The following MROH2B variants were observed in gnomAD, a reference collection of about 807,000 sequenced individuals.
MROH2B encodes the protein maestro heat like repeat family member 2B.
In MROH2B, 177 loss-of-function variants were observed where a neutral mutation model predicts 208.6. The ratio of observed to expected loss-of-function variants is 0.85; its 90% CI spans 0.75 to 0.96. MROH2B has a LOEUF of 0.96. MROH2B is among the 40% of genes least tolerant of loss of function. The pLI is 0.00. For missense variants in MROH2B, 2,002 were observed against 1,878.7 expected (o/e 1.07, Z -1.21); for synonymous variants, 728 against 659.0 (o/e 1.10, Z -1.60).
At chr5:41,010,717 A>G (rs903900152) in intron 30 of MROH2B, among the ~76,000 whole-genome samples, 4 of 152,324 alleles carry the variant, frequency 2.6e-5, no homozygotes, top group Non-Finnish European at 5.9e-5. Flanking sequence ...ACATTTGTCA[A>G]ACCCATAGAC....
chr5:41,070,827 A>T lies in MROH2B; in HGVS notation c.26T>A (p.Ile9Lys), dbSNP rs1468760952. Residue 9 changes from isoleucine (I) to lysine (K), a missense_variant and splice_region_variant, in exon 1 of 42, where the codon ATA (isoleucine) becomes AAA (lysine). Physicochemically the swap from Ile to Lys is moderately radical, Grantham distance 102 (BLOSUM62 -3). Coordinates refer to ENST00000399564, the MANE Select transcript of MROH2B (RefSeq NM_173489.5). ...TCTCAGGATCTGATGATGCTTACCT[A>T]TGGATTCCTCTGTACTAAGTGTCAT... Reference protein sequence around the residue: MTLSTEESIEMFGDINLTL... With the variant: MTLSTEESKEMFGDINLTL... 6.2e-7 allele frequency: 1 copy of T among 1,610,840 alleles called. No homozygotes were observed. The highest frequency in any genetic ancestry group is 1.1e-5 in the South Asian group (1 of 90,420).
At position 41,005,424 on chromosome 5, in the gene MROH2B, C is replaced by G. The variant is rs775337943; in HGVS notation, c.3864+107G>C. On this transcript the variant is annotated intron_variant, in intron 35 of 41. Transcript: ENST00000399564. ...CTCTCCTCTATGAAACCCCCCCCCC[C>G]CTTGAAGTCTCTCTTCCCTGGTTCC... 3.6e-4 allele frequency: 93 copies of G among 259,698 alleles called. 1 individual carries two copies. The highest frequency in any genetic ancestry group is 2.3e-3 in the South Asian group (56 of 24,778). The allele number at this position is 259,698 out of a possible 1,614,324, so 16.1% of individuals were successfully genotyped here.
At chr5:41,009,890 TAGG>T in intron 31 of MROH2B, 29 bp downstream of exon 31, 1 of 1,582,778 alleles carries the variant, frequency 6.3e-7, no homozygotes, top group African/African-American at 1.3e-5. Flanking sequence ...TGGCCTTCCC[TAGG>T]AGAAGGAATC....
chr5:41,006,527 C>T (rs372316786), intron 34 of MROH2B, among the ~76,000 whole-genome samples: 3 of 152,172 alleles, frequency 2.0e-5, no homozygotes, highest in African/African-American at 7.2e-5. Flanking sequence ...AAAAAAGATA[C>T]TTGCACACAC....
intron 11 of MROH2B, among the ~76,000 whole-genome samples, chr5:41,053,016 C>T (rs370468730): frequency 2.6e-5 from 4 of 152,254 alleles, no homozygotes; most frequent in African/African-American, 9.6e-5. Context: ...ATGAAAGAGT[C>T]ACCAGAAATG....
rs1286093143 is a variant in MROH2B, at chr5:41,000,253, G to A, written c.4449C>T (p.Ala1483=). 2 of 1,613,850 alleles carry A rather than the reference G, an allele frequency of 1.2e-6. No homozygotes were observed. The highest frequency in any genetic ancestry group is 1.7e-6 in the Non-Finnish European group (2 of 1,179,818). The change falls in exon 39 of 42, where the codon GCC becomes GCT. Residue 1483 remains alanine (A), a synonymous_variant. Transcript: ENST00000399564. ...DRLLDQDLPR[A]RDFYRQFCVK... is the part of the protein sequence containing the mutation. ...CACAGAATTGCCTGTAGAAATCCCTGGCCCTTGGTAGATCCTGATCAAGGA... is the reference window on the plus strand; with the variant it reads ...CACAGAATTGCCTGTAGAAATCCCTAGCCCTTGGTAGATCCTGATCAAGGA...
intron 33 of MROH2B, 114 bp downstream of exon 33, chr5:41,008,492 C>T: frequency 8.0e-7 from 1 of 1,244,078 alleles, no homozygotes; most frequent in Non-Finnish European, 1.1e-6. Flanking sequence ...AGCCTTGTTT[C>T]TTCATGGACA....
At chr5:41,025,992 C>A (rs1189722379) in intron 24 of MROH2B, among the ~76,000 whole-genome samples, 1 of 151,808 alleles carries the variant, frequency 6.6e-6, no homozygotes, top group Admixed American at 6.6e-5. Flanking sequence ...AACAGCCCCT[C>A]ATGCTAAAAA....
chr5:41,049,941 T>C (rs1743238010), intron 13 of MROH2B, among the ~76,000 whole-genome samples: 1 of 152,186 alleles, frequency 6.6e-6, no homozygotes, highest in African/African-American at 2.4e-5. Flanking sequence ...TTCTTTAGTA[T>C]GTTTTATGTC....
In MROH2B at chr5:41,005,586, G is replaced by T. The variant is rs1741560923; in HGVS notation, c.3809C>A (p.Ser1270Tyr). 6.2e-7 allele frequency: 1 copy of T among 1,611,694 alleles called. No individual in the cohort carries two copies. Among genetic ancestry groups the T allele is most frequent in the South Asian group, 1.1e-5 (1 of 90,240 alleles). Residue 1270 changes from serine (S) to tyrosine (Y), a missense_variant, in exon 35 of 42, where the codon TCT becomes TAT. Ser to Tyr is a moderately radical substitution (Grantham distance 144). Coordinates refer to ENST00000399564, the MANE Select transcript of MROH2B (RefSeq NM_173489.5). Reference sequence around the variant, plus strand: ...GTAGTTCTCCGAGGAGGAGGTAAGAGATGAGAGCAGCTGTTCCATGATGTC... The same window carrying T: ...GTAGTTCTCCGAGGAGGAGGTAAGATATGAGAGCAGCTGTTCCATGATGTC... ...ILDIMEQLLS[S>Y]LTSSSENYRI...
At position 41,067,144 on chromosome 5, in the gene MROH2B, C is replaced by A; in HGVS notation, c.165G>T (p.Leu55Phe). Residue 55 changes from leucine (L) to phenylalanine (F), a missense_variant, in exon 3 of 42, where the codon TTG becomes TTT. By Grantham distance (22) the Leu-to-Phe change is conservative (BLOSUM62 0). Coordinates refer to ENST00000399564, the MANE Select transcript of MROH2B (RefSeq NM_173489.5). ...DILDDAIVQRLIYYASKDMRD... is the reference protein window; with the variant it reads ...DILDDAIVQRFIYYASKDMRD... ...TCATATCCTTAGAAGCATAATAAAT[C>A]AATCGTTGGACAATTGCATCATCCA... The A allele has an allele frequency of 1.3e-6, 2 of 1,555,274 alleles. No individual in the cohort carries two copies. Among genetic ancestry groups the A allele is most frequent in the South Asian group, 1.2e-5 (1 of 84,430 alleles).
Position 41,018,801 on chromosome 5 carries a change from G to T in MROH2B, c.2578-15C>A. On this transcript the variant is annotated splice_polypyrimidine_tract_variant and intron_variant, in intron 25 of 41. Transcript: ENST00000399564. ...TCATAGAGAAACTGAAATCAAATATGTGTGTGTGAGTCTCAGGCTGGGGTG... is the reference window on the plus strand; with the variant it reads ...TCATAGAGAAACTGAAATCAAATATTTGTGTGTGAGTCTCAGGCTGGGGTG... 6.2e-7 allele frequency: 1 copy of T among 1,613,476 alleles called. No individual in the cohort carries two copies. Among genetic ancestry groups the T allele is most frequent in the Non-Finnish European group, 8.5e-7 (1 of 1,179,768 alleles).
At chr5:41,007,285 T>C (rs767747440) in intron 34 of MROH2B, 29 bp downstream of exon 34, 1 of 1,358,794 alleles carries the variant, frequency 7.4e-7, no homozygotes. Context: ...TTCTTCTTTG[T>C]ATCTGGTTCT....
chr5:41,018,259 C>G, intron 27 of MROH2B, 82 bp downstream of exon 27: 1 of 1,364,814 alleles, frequency 7.3e-7, no homozygotes, highest in Middle Eastern at 1.8e-4. Context: ...ATCCATCATG[C>G]AGGAGTTTTG....
At chr5:41,028,721 C>T (rs1395109657) in intron 24 of MROH2B, among the ~76,000 whole-genome samples, 2 of 152,028 alleles carry the variant, frequency 1.3e-5, no homozygotes, top group South Asian at 2.1e-4. Flanking sequence ...TTGACAGACA[C>T]CTAGGTTGTT....
intron 1 of MROH2B, 121 bp downstream of exon 1, chr5:41,070,704 C>T: frequency 1.1e-6 from 1 of 925,436 alleles, no homozygotes; most frequent in Non-Finnish European, 1.7e-6. Context: ...TTCATAAATC[C>T]TTTGAGGTGT....
At chr5:41,055,041 C>G (rs1231182549) in intron 10 of MROH2B, among the ~76,000 whole-genome samples, 1 of 152,116 alleles carries the variant, frequency 6.6e-6, no homozygotes, top group East Asian at 1.9e-4. Context: ...CTTCTTATTA[C>G]ATTTGTTTCA....
chr5:41,047,800 A>C, intron 16 of MROH2B, 36 bp from the exon 17 acceptor site: 3 of 1,545,890 alleles, frequency 1.9e-6, no homozygotes, highest in Middle Eastern at 1.7e-4. Flanking sequence ...TCGCAAAAAA[A>C]CAAAACCACC....
chr5:41,014,398 G>C (rs774188438), intron 29 of MROH2B, among the ~76,000 whole-genome samples: 4 of 152,100 alleles, frequency 2.6e-5, no homozygotes, highest in Admixed American at 6.6e-5. Flanking sequence ...GAGAACACAT[G>C]GACACAGGAA....
Sources: gnomAD v4.1 joint callset for allele counts (sites outside exome capture counted in the v4.1 genomes callset) on GRCh38, gnomAD v4.1.1 for gene constraint, MANE v1.5 for transcripts, NCBI Gene and HGNC (gene_info 2026-07-23, HGNC 2026-07-21) for gene names.